Variants in PTBP3 observed in about 807,000 individuals in gnomAD.
PTBP3 encodes the protein polypyrimidine tract binding protein 3.
PTBP3 carries 20 observed loss-of-function variants against 58.7 expected under a neutral mutation model. The ratio of observed to expected loss-of-function variants is 0.34; its 90% CI spans 0.24 to 0.50. The LOEUF (loss-of-function observed/expected upper bound fraction) is 0.50, where lower values mean the gene tolerates loss of function less well. PTBP3 is among the 20% of genes least tolerant of loss of function. The pLI, the probability that PTBP3 is intolerant of heterozygous loss-of-function variation, is 0.98. For synonymous variants in PTBP3, 185 were observed against 219.8 expected, an observed-to-expected ratio of 0.84 and a Z score of 1.40; for missense variants, 509 against 637.2, an observed-to-expected ratio of 0.80 and a Z score of 2.17.
At chr9:112,283,784 T>C (rs1589864186) in intron 2 of PTBP3, among the ~76,000 whole-genome samples, 1 of 152,280 alleles carries the variant, frequency 6.6e-6, no homozygotes, top group Non-Finnish European at 1.5e-5. Flanking sequence ...AAAACAACGG[T>C]TTCACGGGCT....
chr9:112,347,202 A>T, the PTBP3 span, among the ~76,000 whole-genome samples: 3 of 152,242 alleles, frequency 2.0e-5, no homozygotes, highest in African/African-American at 7.2e-5. Context: ...GCCTATCAAC[A>T]AGAGAAATGG....
At position 112,219,101 on chromosome 9, in the gene PTBP3, T is replaced by C. The variant is rs985577937; in HGVS notation, c.*4750A>G. The C allele has an allele frequency of 5.2e-5, 8 of 152,676 alleles. No homozygotes were observed. The highest frequency in any genetic ancestry group is 4.6e-4 in the Admixed American group (7 of 15,266). 9.5% of individuals were successfully genotyped at this position (152,676 alleles called of 1,614,324 possible). ...AGTAAAGGCCGCTCTGCACTGGTTC[T>C]TCTTTCAGAAAGGAGCTTGGGGAAA... On this transcript the variant is annotated 3_prime_UTR_variant, in exon 14 of 14. Coordinates refer to ENST00000374257, the MANE Select transcript of PTBP3 (RefSeq NM_001163788.4).
the PTBP3 span, among the ~76,000 whole-genome samples, chr9:112,370,929 A>G: frequency 6.6e-6 from 1 of 152,022 alleles, no homozygotes; most frequent in Non-Finnish European, 1.5e-5. Flanking sequence ...ATTATTTATT[A>G]CTAGTGTATA....
At chr9:112,299,254 T>C (rs1008060458) in intron 1 of PTBP3, among the ~76,000 whole-genome samples, 44 of 152,236 alleles carry the variant, frequency 2.9e-4, no homozygotes, top group African/African-American at 1.0e-3. Flanking sequence ...ATCAAGTTAA[T>C]ATAAAGTTAG....
chr9:112,347,258 G>A, the PTBP3 span, among the ~76,000 whole-genome samples: 2 of 151,728 alleles, frequency 1.3e-5, no homozygotes, highest in South Asian at 2.1e-4. Flanking sequence ...CTATATCACA[G>A]TGAAAATGAA....
chr9:112,256,266 AAAC>A (rs1209771416), intron 5 of PTBP3, among the ~76,000 whole-genome samples: 1 of 111,882 alleles, frequency 8.9e-6, no homozygotes, highest in African/African-American at 3.9e-5. Flanking sequence ...AAAAAAAAAA[AAAC>A]AAAATATATA....
intron 4 of PTBP3, among the ~76,000 whole-genome samples, chr9:112,267,544 TG>T (rs1827148365): frequency 6.6e-6 from 1 of 152,170 alleles, no homozygotes; most frequent in Non-Finnish European, 1.5e-5. Flanking sequence ...AAAATCAACA[TG>T]GGAAGACACA....
intron 3 of PTBP3, among the ~76,000 whole-genome samples, chr9:112,271,465 G>C (rs1342216133): frequency 2.6e-5 from 4 of 152,170 alleles, no homozygotes; most frequent in Admixed American, 2.6e-4. Flanking sequence ...TCACGCCTAT[G>C]ATCCCAATAC....
intron 9 of PTBP3, 83 bp downstream of exon 9, chr9:112,232,008 AGAGAAGAG>A: frequency 3.8e-6 from 3 of 794,674 alleles, no homozygotes; most frequent in Admixed American, 4.1e-5. Flanking sequence ...AGAGAAGAGA[AGAGAAGAG>A]AAGAAAAGAA....
At chr9:112,378,733 T>G in the PTBP3 span, among the ~76,000 whole-genome samples, 4 of 152,254 alleles carry the variant, frequency 2.6e-5, no homozygotes, top group Admixed American at 6.5e-5. Flanking sequence ...CTTTTTGAGC[T>G]GCTGTATCTC....
chr9:112,222,318 T>C lies in PTBP3; in HGVS notation c.*1533A>G. ...CATTAAAATGTACTCTTACATTCAA[T>C]GAAAAAGAGAGGGACAGAGTATGAG... On this transcript the variant is annotated 3_prime_UTR_variant, in exon 14 of 14. Transcript: ENST00000374257. The C allele has an allele frequency of 1.0e-6, 1 of 978,726 alleles. No individual in the cohort carries two copies. The highest frequency in any genetic ancestry group is 5.3e-4 in the Middle Eastern group (1 of 1,900). 60.6% of individuals were successfully genotyped at this position (978,726 alleles called of 1,614,324 possible).
chr9:112,226,222 G>A (rs1219039360), intron 12 of PTBP3, among the ~76,000 whole-genome samples: 2 of 149,980 alleles, frequency 1.3e-5, no homozygotes, highest in East Asian at 1.9e-4. Flanking sequence ...CCAGTTTCCC[G>A]GCTGGTATGA....
At chr9:112,314,452 T>C (rs1199885318) in intron 1 of PTBP3, among the ~76,000 whole-genome samples, 4 of 152,064 alleles carry the variant, frequency 2.6e-5, no homozygotes, top group African/African-American at 9.7e-5. Flanking sequence ...TCCCAGCACT[T>C]TGAGAGGTCA....
chr9:112,331,343 C>T (rs904097774), intron 1 of PTBP3, among the ~76,000 whole-genome samples: 4 of 152,140 alleles, frequency 2.6e-5, no homozygotes, highest in African/African-American at 7.2e-5. Context: ...TCCTGCCATA[C>T]AAAAATTCTT....
the PTBP3 span, among the ~76,000 whole-genome samples, chr9:112,344,816 A>T: frequency 6.6e-6 from 1 of 152,198 alleles, no homozygotes; most frequent in Non-Finnish European, 1.5e-5. Flanking sequence ...TCTATATACC[A>T]CAAAAACAAT....
intron 1 of PTBP3, among the ~76,000 whole-genome samples, chr9:112,305,447 T>C (rs1041947343): frequency 1.3e-5 from 2 of 151,802 alleles, no homozygotes; most frequent in East Asian, 1.9e-4. Flanking sequence ...TATAATAGAG[T>C]TCCAACAAAA....
At chr9:112,270,626 A>G (rs540034730) in intron 3 of PTBP3, among the ~76,000 whole-genome samples, 1 of 152,344 alleles carries the variant, frequency 6.6e-6, no homozygotes, top group Admixed American at 6.5e-5. Context: ...TGTAGCATTG[A>G]CAGACAGCAT....
chr9:112,336,568 G>A (rs765622030), upstream of PTBP3, among the ~76,000 whole-genome samples: 47 of 151,976 alleles, frequency 3.1e-4, no homozygotes, highest in Non-Finnish European at 6.0e-4. Flanking sequence ...CATTGCTTGA[G>A]CTCAGCAGTG....
At position 112,221,525 on chromosome 9, in the gene PTBP3, A is replaced by G. The variant is rs544572658; in HGVS notation, c.*2326T>C. ...CCAATTTAACATGGCACTGAAAATT[A>G]TAATAGTGCCTGTGTGGAAGGGAAA... On this transcript the variant is annotated 3_prime_UTR_variant, in exon 14 of 14. Transcript: ENST00000374257. 1.2e-4 allele frequency: 123 copies of G among 985,688 alleles called. No individual in the cohort carries two copies. The highest frequency in any genetic ancestry group is 1.5e-4 in the Non-Finnish European group (121 of 829,892). 61.1% of individuals were successfully genotyped at this position (985,688 alleles called of 1,614,324 possible). A position where few individuals can be genotyped will look rare whatever the true frequency, so the allele number is the denominator to read the frequency against.
Sources: allele counts gnomAD v4.1 joint callset (sites outside exome capture counted in the v4.1 genomes callset), GRCh38; gene constraint gnomAD v4.1.1; transcripts MANE v1.5; gene names NCBI Gene and HGNC (gene_info 2026-07-23, HGNC 2026-07-21).